Variants in FHIP2A observed in about 807,000 individuals in gnomAD.
FHIP2A encodes FHF complex subunit HOOK interacting protein 2A, also known as family with sequence similarity 160 member B1.
A neutral mutation model predicts 93.5 loss-of-function variants in FHIP2A; 46 were observed. That is an observed-to-expected ratio of 0.49 (90% CI 0.39 to 0.63). The LOEUF is 0.63. FHIP2A is among the 20% of genes least tolerant of loss of function. The pLI is 0.00. For synonymous variants in FHIP2A, 332 were observed against 326.5 expected (o/e 1.02, Z -0.18); for missense variants, 769 against 909.7 (o/e 0.85, Z 1.99).
chr10:114,877,300 G>GTCAA (rs2083894273), intron 16 of FHIP2A, among the ~76,000 whole-genome samples: 1 of 152,102 alleles, frequency 6.6e-6, no homozygotes, highest in Non-Finnish European at 1.5e-5. Context: ...GAGGGTTCAG[G>GTCAA]TCAAGCACGA....
At chr10:114,825,824 G>C (rs142054028) in intron 1 of FHIP2A, among the ~76,000 whole-genome samples, 100 of 152,354 alleles carry the variant, frequency 6.6e-4, no homozygotes, top group African/African-American at 2.3e-3. Flanking sequence ...AATGTGCCAA[G>C]GGCATGTTCC....
At chr10:114,847,891 C>T (rs1021296348) in intron 12 of FHIP2A, among the ~76,000 whole-genome samples, 1 of 151,978 alleles carries the variant, frequency 6.6e-6, no homozygotes, top group African/African-American at 2.4e-5. Context: ...GGATTACAGT[C>T]GCATGGCTAC....
chr10:114,886,400 C>T (rs932637015), intron 16 of FHIP2A, among the ~76,000 whole-genome samples: 6 of 150,578 alleles, frequency 4.0e-5, no homozygotes, highest in African/African-American at 1.5e-4. Context: ...CTGTAGAGTG[C>T]CTTTTAAAGT....
In FHIP2A at chr10:114,863,149, T is replaced by C. The variant is rs541939667; in HGVS notation, c.*1609T>C. 2.7e-5 allele frequency: 26 copies of C among 979,068 alleles called. No individual in the cohort carries two copies. The highest frequency in any genetic ancestry group is 1.7e-4 in the African/African-American group (10 of 57,224). The allele number at this position is 979,068 out of a possible 1,614,324, so 60.6% of individuals were successfully genotyped here. The stretch of plus-strand genomic sequence containing the variant: ...TCTTTGTTAGCTTATTCTAAGAAAT[T>C]TATTAAGTAAAACAAAGAAAAAACA... On this transcript the variant is annotated 3_prime_UTR_variant, in exon 17 of 17. Coordinates refer to ENST00000369248, the MANE Select transcript of FHIP2A (RefSeq NM_020940.4).
chr10:114,846,770 G>T (rs371947903), intron 11 of FHIP2A, 42 bp downstream of exon 11: 1 of 1,501,668 alleles, frequency 6.7e-7, no homozygotes, highest in African/African-American at 1.4e-5. Context: ...ATTTCATGTA[G>T]AGATAGAACT....
intron 16 of FHIP2A, among the ~76,000 whole-genome samples, chr10:114,875,738 AAGAAAGAAAGAAAG>A (rs757247743): frequency 4.9e-4 from 69 of 141,952 alleles, no homozygotes; most frequent in Admixed American, 2.5e-3. Context: ...AAGAGAGAGA[AAGAAAGAAAGAAAG>A]AGAAAGAAAG....
chr10:114,846,964 T>C, intron 11 of FHIP2A, 126 bp from the exon 12 acceptor site: 1 of 904,346 alleles, frequency 1.1e-6, no homozygotes, highest in Non-Finnish European at 1.6e-6. Context: ...AAAATATACA[T>C]AATTCCTTAA....
intron 3 of FHIP2A, among the ~76,000 whole-genome samples, chr10:114,833,678 A>T (rs953691429): frequency 6.6e-6 from 1 of 150,966 alleles, no homozygotes; most frequent in Non-Finnish European, 1.5e-5. Context: ...AGCTCAGAAT[A>T]AAAAAAAGAG....
intron 15 of FHIP2A, 79 bp downstream of exon 15, chr10:114,860,968 A>G (rs1255421378): frequency 7.4e-7 from 1 of 1,345,890 alleles, no homozygotes; most frequent in East Asian, 2.3e-5. Flanking sequence ...GTATGCAGTT[A>G]GTGTCACATA....
Position 114,833,233 on chromosome 10 carries a change from A to G in FHIP2A, c.125A>G (p.Asp42Gly), listed in dbSNP as rs1264787530. The part of the protein sequence containing the change: ...AITHYYIETS[D>G]DKAPVTDTNI... ...TTGATGAATGTTTTTTATTGTTTAG[A>G]TGATAAAGCCCCAGTGACCGATACA... The change falls in exon 3 of 17, where the codon GAT (aspartate) becomes GGT (glycine). Residue 42 changes from aspartate to glycine, a missense_variant and splice_region_variant. By Grantham distance (94) the Asp-to-Gly change is moderately conservative. Coordinates refer to ENST00000369248, the MANE Select transcript of FHIP2A (RefSeq NM_020940.4). 1.3e-6 allele frequency: 2 copies of G among 1,598,886 alleles called. No individual in the cohort carries two copies. Among genetic ancestry groups the G allele is most frequent in the East Asian group, 2.2e-5 (1 of 44,672 alleles).
chr10:114,822,050 G>C lies in FHIP2A; in HGVS notation c.-29G>C, dbSNP rs765320280. On this transcript the variant is annotated 5_prime_UTR_variant, in exon 1 of 17. Coordinates refer to ENST00000369248, the MANE Select transcript of FHIP2A (RefSeq NM_020940.4). The stretch of plus-strand genomic sequence containing the variant: ...ATCGAGGAGCTCTCCAGGTCGTCCC[G>C]GGAGAGGCTGCTGCAGTCCCGGGAC... 1 of 1,275,592 alleles carries C rather than the reference G, an allele frequency of 7.8e-7. No homozygotes were observed. Among genetic ancestry groups the C allele is most frequent in the Non-Finnish European group, 1.0e-6 (1 of 988,810 alleles). 79.0% of individuals were successfully genotyped at this position (1,275,592 alleles called of 1,614,324 possible). A position where few individuals can be genotyped will look rare whatever the true frequency, so the allele number is the denominator to read the frequency against.
intron 16 of FHIP2A, among the ~76,000 whole-genome samples, chr10:114,872,907 G>A (rs2083866555): frequency 6.6e-6 from 1 of 152,206 alleles, no homozygotes; most frequent in South Asian, 2.1e-4. Flanking sequence ...AACAGGCACA[G>A]CTCAGTTTGG....
At chr10:114,835,431 T>C (rs1254642450) in intron 3 of FHIP2A, 106 bp from the exon 4 acceptor site, 1 of 608,280 alleles carries the variant, frequency 1.6e-6, no homozygotes, top group Admixed American at 2.8e-5. Context: ...CTTTTCAAGG[T>C]GGAATACATT....
At chr10:114,838,037 G>T (rs1042108008) in intron 5 of FHIP2A, among the ~76,000 whole-genome samples, 1 of 152,170 alleles carries the variant, frequency 6.6e-6, no homozygotes, top group Non-Finnish European at 1.5e-5. Flanking sequence ...CCTAGGGTAG[G>T]ATCACCAGAT....
At chr10:114,845,965 T>C (rs1172477479) in intron 8 of FHIP2A, 48 bp from the exon 9 acceptor site, 6 of 1,394,836 alleles carry the variant, frequency 4.3e-6, no homozygotes, top group Admixed American at 3.9e-5. Context: ...TACAAATTAG[T>C]CTTTCTTTTA....
rs138527698 is a variant in FHIP2A at position 114,850,961 on chromosome 10, G to A, written c.1803+2224G>A. On this transcript the variant is annotated intron_variant, in intron 13 of 16. Transcript: ENST00000369248. ...CAGAGTCGCGCTCTGTCATCCAGGC[G>A]GGAATGCAGTGGCATGATCTCGGCT... Among the ~76,000 whole-genome samples the A allele has an allele frequency of 7.9e-3, 1,208 of 152,154 alleles. 10 individuals carry two copies. Among genetic ancestry groups the A allele is most frequent in the African/African-American group, 0.028 (1,152 of 41,510 alleles).
intron 14 of FHIP2A, among the ~76,000 whole-genome samples, chr10:114,857,249 C>T (rs1314169524): frequency 6.6e-6 from 1 of 151,590 alleles, no homozygotes; most frequent in Non-Finnish European, 1.5e-5. Flanking sequence ...CTTTCCTAAA[C>T]ATTTTTGCCG....
intron 10 of FHIP2A, 54 bp downstream of exon 10, chr10:114,846,421 A>C: frequency 6.6e-7 from 1 of 1,518,588 alleles, no homozygotes; most frequent in Non-Finnish European, 9.0e-7. Context: ...ATACGGTTTT[A>C]ATGTATTATA....
intron 5 of FHIP2A, among the ~76,000 whole-genome samples, chr10:114,839,640 A>T (rs576606769): frequency 6.6e-6 from 1 of 152,086 alleles, no homozygotes; most frequent in Non-Finnish European, 1.5e-5. Context: ...GCACTTTGGT[A>T]GGCTGAGGCG....
Sources: allele counts gnomAD v4.1 joint callset (sites outside exome capture counted in the v4.1 genomes callset), GRCh38; gene constraint gnomAD v4.1.1; transcripts MANE v1.5; gene names NCBI Gene and HGNC (gene_info 2026-07-23, HGNC 2026-07-21).